The following LAMA3 variants were observed in gnomAD, a reference collection of about 807,000 sequenced individuals.
The protein encoded by LAMA3 is laminin subunit alpha-3.
Under a neutral mutation model 402.0 loss-of-function variants are expected in LAMA3, and 281 were observed. That is an observed-to-expected ratio of 0.70 (90% CI 0.63 to 0.77). LAMA3 has a LOEUF of 0.77. Ranked by LOEUF, LAMA3 falls within the 30% of genes least tolerant of loss-of-function variation. LAMA3 has a pLI of 0.00. For missense variants in LAMA3, 3,840 were observed against 4,215.5 expected (o/e 0.91, Z 2.47); for synonymous variants, 1,431 against 1,558.4 (o/e 0.92, Z 1.93).
intron 1 of LAMA3, chr18:23,709,998 A>T (rs1215060583): frequency 4.0e-6 from 3 of 747,672 alleles, no homozygotes; most frequent in Non-Finnish European, 4.9e-6. Context: ...ATCCACAACG[A>T]ACACAAGTGT....
At chr18:23,850,402 T>C (rs2063917624) in intron 32 of LAMA3, among the ~76,000 whole-genome samples, 1 of 152,256 alleles carries the variant, frequency 6.6e-6, no homozygotes, top group African/African-American at 2.4e-5. Context: ...GTTGGAACCA[T>C]AAAACTGAGC....
chr18:23,698,472 T>C (rs2060728186), intron 1 of LAMA3, among the ~76,000 whole-genome samples: 1 of 152,190 alleles, frequency 6.6e-6, no homozygotes, highest in African/African-American at 2.4e-5. Flanking sequence ...CCCAAAGTGC[T>C]GGGATTACAG....
intron 23 of LAMA3, among the ~76,000 whole-genome samples, chr18:23,827,920 C>T (rs1417345363): frequency 3.9e-5 from 6 of 152,112 alleles, no homozygotes; most frequent in Admixed American, 2.0e-4. Flanking sequence ...GCTCAGAATC[C>T]GGAACTTCTA....
Position 23,782,295 on chromosome 18 carries a change from C to A in LAMA3, c.1469-1728C>A, listed in dbSNP as rs1044870812. 8.5e-5 allele frequency among the ~76,000 whole-genome samples: 13 copies of A among 152,252 alleles called. No homozygotes were observed. The East Asian group carries it at 2.5e-3, about 29-fold the overall frequency. On this transcript the variant is annotated intron_variant, in intron 11 of 74. Coordinates refer to ENST00000313654, the MANE Select transcript of LAMA3 (RefSeq NM_198129.4). ...TTTCAGGGCGAGGCATGGTGGCTCA[C>A]GCTGTAATCCTGCACTTTGGGAGGC...
chr18:23,729,212 C>T (rs1486664963), intron 2 of LAMA3, among the ~76,000 whole-genome samples: 2 of 151,454 alleles, frequency 1.3e-5, no homozygotes, highest in African/African-American at 4.9e-5. Context: ...GACTGGAGTA[C>T]AGAATAATAT....
rs562654416 is a variant in LAMA3 at position 23,848,246 on chromosome 18, G to T, written c.4136+578G>T. ...ACAGGCTGGAGAGCCTGGCCTGAGA[G>T]TGGGGCTGCCCTCAGAGGATCGCTG... is the stretch of plus-strand genomic sequence containing the variant. On this transcript the variant is annotated intron_variant, in intron 32 of 74. Coordinates refer to ENST00000313654, the MANE Select transcript of LAMA3 (RefSeq NM_198129.4). Among the ~76,000 whole-genome samples the T allele has an allele frequency of 1.4e-4, 21 of 152,332 alleles. No homozygotes were observed. In the South Asian group the frequency reaches 3.9e-3, roughly 29 times the overall value.
At chr18:23,861,618 C>T (rs1227976771) in intron 34 of LAMA3, 28 bp from the exon 35 acceptor site, 3 of 1,613,870 alleles carry the variant, frequency 1.9e-6, no homozygotes, top group Non-Finnish European at 2.5e-6. Context: ...AAGACGTTTC[C>T]ATCCCTTGCT....
intron 2 of LAMA3, among the ~76,000 whole-genome samples, chr18:23,736,120 C>T (rs1340759659): frequency 6.6e-6 from 1 of 151,890 alleles, no homozygotes; most frequent in Non-Finnish European, 1.5e-5. Context: ...TTGAGTGAAT[C>T]TCAAAGCTTA....
chr18:23,874,948 C>T (rs552138679), intron 38 of LAMA3, among the ~76,000 whole-genome samples: 25 of 152,300 alleles, frequency 1.6e-4, no homozygotes, highest in East Asian at 5.8e-4. Context: ...ACTGCAACCT[C>T]CACCTCCCAG....
intron 44 of LAMA3, among the ~76,000 whole-genome samples, chr18:23,895,595 T>G (rs1262341): frequency 0.2 from 30,745 of 152,186 alleles, 3,841 homozygotes; most frequent in Non-Finnish European, 0.28. Context: ...ATAAAATTGT[T>G]CATAATGTTC....
rs369226812 is a variant in LAMA3 at position 23,881,954 on chromosome 18, G to A, written c.5131G>A (p.Ala1711Thr). 2.7e-5 allele frequency: 44 copies of A among 1,613,736 alleles called. 1 individual carries two copies. Among genetic ancestry groups the A allele is most frequent in the African/African-American group, 2.3e-4 (17 of 75,026 alleles). Residue 1711 changes from alanine to threonine, a missense_variant, in exon 40 of 75, where the codon GCG (alanine) becomes ACG (threonine). Physicochemically the swap from Ala to Thr is moderately conservative, Grantham distance 58 (BLOSUM62 0). Around this residue, in one of 3 missense-constraint regions of LAMA3, gnomAD observed 2,109 missense variants for 2,376.0 expected, o/e 0.89. Transcript: ENST00000313654. ...TCCCCAGAACTGTCAGCACAACACC[G>A]CGGGAGAGCACTGTGAACGCTGCCA... Reference protein sequence around the residue: ...GICVNCQHNTAGEHCERCQEG... With the variant: ...GICVNCQHNTTGEHCERCQEG...
intron 40 of LAMA3, among the ~76,000 whole-genome samples, chr18:23,884,545 A>G (rs982422048): frequency 3.3e-5 from 5 of 152,194 alleles, no homozygotes; most frequent in Admixed American, 3.3e-4. Context: ...CCAAGGAACA[A>G]ATAAAATAAA....
At chr18:23,758,588 T>G (rs1299052802) in intron 7 of LAMA3, 77 bp downstream of exon 7, 1 of 1,097,824 alleles carries the variant, frequency 9.1e-7, no homozygotes, top group Admixed American at 1.9e-5. Context: ...ATTTTCCCCA[T>G]GCTAGAGAAG....
Position 23,750,927 on chromosome 18 carries a change from T to C in LAMA3, c.694T>C (p.Ser232Pro). ...VPLENGEVVV[S>P]LINGRPGAKN... ...TGTGTGGTCATTTTAGGTTGTGGTGTCCTTGATAAACGGTCGTCCAGGTGC... is the reference window on the plus strand; with the variant it reads ...TGTGTGGTCATTTTAGGTTGTGGTGCCCTTGATAAACGGTCGTCCAGGTGC... The change falls in exon 5 of 75, where the codon TCC (serine) becomes CCC (proline). Residue 232 changes from serine to proline, a missense_variant. By Grantham distance (74) the Ser-to-Pro change is moderately conservative. Coordinates refer to ENST00000313654, the MANE Select transcript of LAMA3 (RefSeq NM_198129.4). The C allele has an allele frequency of 4.3e-6, 7 of 1,614,190 alleles. No individual in the cohort carries two copies. The highest frequency in any genetic ancestry group is 5.9e-6 in the Non-Finnish European group (7 of 1,180,016).
intron 62 of LAMA3, 42 bp downstream of exon 62, chr18:23,921,627 G>C (rs2081843232): frequency 1.2e-6 from 2 of 1,608,268 alleles, no homozygotes; most frequent in South Asian, 1.1e-5. Flanking sequence ...GCCTTTGTTA[G>C]TGGTTATGAT....
chr18:23,864,151 T>C (rs2064292633), intron 35 of LAMA3, among the ~76,000 whole-genome samples: 1 of 152,126 alleles, frequency 6.6e-6, no homozygotes, highest in Admixed American at 6.5e-5. Flanking sequence ...ATAAACATTT[T>C]GGTTTAGTAA....
At chr18:23,826,910 T>C in intron 22 of LAMA3, 111 bp downstream of exon 22, 1 of 713,022 alleles carries the variant, frequency 1.4e-6, no homozygotes, top group South Asian at 1.6e-5. Flanking sequence ...CATGATGCTC[T>C]GGATAATTAG....
chr18:23,916,627 A>T lies in LAMA3; in HGVS notation c.7855A>T (p.Ile2619Phe). The change falls in exon 60 of 75, where the codon ATC (isoleucine) becomes TTC (phenylalanine). Residue 2619 changes from isoleucine (I) to phenylalanine (F), a missense_variant. By Grantham distance (21) the Ile-to-Phe change is conservative. Transcript: ENST00000313654. ...ARVPTQPHAPIPTFGQTIQTT... is the reference protein window; with the variant it reads ...ARVPTQPHAPFPTFGQTIQTT... ...AGTTCCAACTCAACCACATGCTCCC[A>T]TCCCAACCTTTGGACAGACAATTCA... 1 of 1,614,192 alleles carries T rather than the reference A, an allele frequency of 6.2e-7. No individual in the cohort carries two copies. Among genetic ancestry groups the T allele is most frequent in the East Asian group, 2.2e-5 (1 of 44,876 alleles).
intron 5 of LAMA3, 119 bp from the exon 6 acceptor site, chr18:23,753,602 C>A: frequency 1.3e-6 from 1 of 741,834 alleles, no homozygotes; most frequent in Admixed American, 2.0e-5. Flanking sequence ...CAATGTAGGG[C>A]TCAAGAATAC....
Sources: allele counts gnomAD v4.1 joint callset (sites outside exome capture counted in the v4.1 genomes callset), GRCh38; gene constraint gnomAD v4.1.1; regional missense constraint gnomAD v4.1.1; transcripts MANE v1.5; gene names NCBI Gene and HGNC (gene_info 2026-07-23, HGNC 2026-07-21).